GSG1L: variants seen among roughly 807,000 people sequenced by gnomAD.
GSG1L encodes the protein GSG1 like, also known as germ cell-specific gene 1-like protein.
A neutral mutation model predicts 42.1 loss-of-function variants in GSG1L; 24 were observed. The ratio of observed to expected loss-of-function variants is 0.57; its 90% CI spans 0.41 to 0.80. The LOEUF is 0.80. GSG1L is among the 30% of genes least tolerant of loss of function. The pLI, the probability that GSG1L is intolerant of heterozygous loss-of-function variation, is 0.00. For missense variants in GSG1L, 445 were observed against 472.2 expected (o/e 0.94, Z 0.53); for synonymous variants, 215 against 203.5 (o/e 1.06, Z -0.48).
intron 2 of GSG1L, among the ~76,000 whole-genome samples, chr16:27,938,919 T>C (rs180937183): frequency 5.9e-5 from 9 of 152,280 alleles, no homozygotes; most frequent in Admixed American, 5.2e-4. Flanking sequence ...TCTGAATGTG[T>C]TCCAGCCTCC....
chr16:27,959,230 G>A (rs2085039954), intron 2 of GSG1L, among the ~76,000 whole-genome samples: 1 of 151,630 alleles, frequency 6.6e-6, no homozygotes, highest in Non-Finnish European at 1.5e-5. Flanking sequence ...GGCCAACGTG[G>A]GAGGATCGTT....
At chr16:28,019,930 CACCTGGTTCTTCAT>C (rs2085820845) in intron 1 of GSG1L, among the ~76,000 whole-genome samples, 1 of 152,214 alleles carries the variant, frequency 6.6e-6, no homozygotes, top group Non-Finnish European at 1.5e-5. Flanking sequence ...TCATCATGCT[CACCTGGTTCTTCAT>C]ACCCTTGGCC....
intron 6 of GSG1L, among the ~76,000 whole-genome samples, chr16:27,798,769 A>G (rs918611686): frequency 2.0e-5 from 3 of 152,112 alleles, no homozygotes; most frequent in Non-Finnish European, 2.9e-5. Flanking sequence ...TCTTAGGGTT[A>G]GGCATGGTTG....
intron 1 of GSG1L, among the ~76,000 whole-genome samples, chr16:28,033,662 C>T (rs942417347): frequency 1.2e-4 from 19 of 152,058 alleles, no homozygotes; most frequent in Admixed American, 3.3e-4. Context: ...AGAAAATAAT[C>T]ATTGTGTATT....
At chr16:27,966,898 T>C (rs763763) in intron 1 of GSG1L, among the ~76,000 whole-genome samples, 29,861 of 152,138 alleles carry the variant, frequency 0.2, 3,408 homozygotes, top group Non-Finnish European at 0.26. Context: ...AACAATCACA[T>C]GGGGCCAGGC....
chr16:27,848,912 T>TTTG (rs1254804858), intron 3 of GSG1L, among the ~76,000 whole-genome samples: 140 of 151,880 alleles, frequency 9.2e-4, no homozygotes, highest in Admixed American at 2.0e-3. Flanking sequence ...AGGGGTAGGA[T>TTTG]GGGCCTGGTG....
intron 1 of GSG1L, among the ~76,000 whole-genome samples, chr16:27,969,971 T>C (rs1039334100): frequency 3.9e-4 from 60 of 152,262 alleles, no homozygotes; most frequent in African/African-American, 1.4e-3. Flanking sequence ...ATGTTGAGCA[T>C]CTTTTCATGG....
intron 1 of GSG1L, among the ~76,000 whole-genome samples, chr16:28,056,123 T>C (rs1193147632): frequency 6.6e-6 from 1 of 152,154 alleles, no homozygotes; most frequent in Non-Finnish European, 1.5e-5. Flanking sequence ...AAGTGTTCCC[T>C]GAGTCCCTCC....
intron 1 of GSG1L, among the ~76,000 whole-genome samples, chr16:28,049,301 A>G (rs761455811): frequency 6.6e-6 from 1 of 152,186 alleles, no homozygotes; most frequent in East Asian, 1.9e-4. Context: ...CTAAAATACT[A>G]TGCTAAATTT....
chr16:27,956,762 A>T (rs1270910318), intron 2 of GSG1L, among the ~76,000 whole-genome samples: 3 of 152,052 alleles, frequency 2.0e-5, no homozygotes, highest in African/African-American at 7.2e-5. Flanking sequence ...AAGCCTTCCG[A>T]CATGAGCTAA....
intron 1 of GSG1L, among the ~76,000 whole-genome samples, chr16:28,031,725 A>G (rs2085966301): frequency 6.6e-6 from 1 of 152,224 alleles, no homozygotes; most frequent in Admixed American, 6.5e-5. Flanking sequence ...TGACCCCAGC[A>G]CACGGATAAC....
chr16:27,858,413 G>T (rs1380396201), intron 3 of GSG1L, among the ~76,000 whole-genome samples: 3 of 152,192 alleles, frequency 2.0e-5, no homozygotes, highest in Admixed American at 1.3e-4. Flanking sequence ...CTCAGCCAGG[G>T]TAACACAGCA....
chr16:28,029,423 T>C lies in GSG1L; in HGVS notation c.349+33653A>G, dbSNP rs79186395. Among the ~76,000 whole-genome samples the C allele has an allele frequency of 4.4e-4, 67 of 152,352 alleles. No individual in the cohort carries two copies. In the East Asian group the frequency reaches 6.9e-3, roughly 16 times the overall value. On this transcript the variant is annotated intron_variant, in intron 1 of 6. Transcript: ENST00000447459. Reference sequence around the variant, plus strand: ...GTTTTGCTCTCCAGGGCAGGGATCTTCTAGTCCATCTGGCATAGCAAAGGC... The same window carrying C: ...GTTTTGCTCTCCAGGGCAGGGATCTCCTAGTCCATCTGGCATAGCAAAGGC...
At chr16:27,869,620 C>A (rs2083779324) in intron 3 of GSG1L, among the ~76,000 whole-genome samples, 1 of 135,926 alleles carries the variant, frequency 7.4e-6, no homozygotes, top group African/African-American at 2.9e-5. Context: ...TCTCTCTCTC[C>A]TCTCTGCGTC....
intron 3 of GSG1L, among the ~76,000 whole-genome samples, chr16:27,857,928 G>A (rs759105762): frequency 6.6e-6 from 1 of 151,872 alleles, no homozygotes; most frequent in Non-Finnish European, 1.5e-5. Context: ...CCTGTGACGG[G>A]TCTACACCTG....
intron 3 of GSG1L, among the ~76,000 whole-genome samples, chr16:27,862,438 C>T (rs2083665666): frequency 1.3e-5 from 2 of 152,248 alleles, no homozygotes; most frequent in South Asian, 4.1e-4. Flanking sequence ...CTCTGGCCAA[C>T]ACCCTGACTG....
intron 2 of GSG1L, among the ~76,000 whole-genome samples, chr16:27,923,331 C>T (rs1339838781): frequency 6.6e-6 from 1 of 152,148 alleles, no homozygotes; most frequent in Non-Finnish European, 1.5e-5. Flanking sequence ...GGAGGATCAT[C>T]CTCACTCCCA....
chr16:27,859,109 G>T (rs937626890), intron 3 of GSG1L, among the ~76,000 whole-genome samples: 2 of 152,124 alleles, frequency 1.3e-5, no homozygotes, highest in Non-Finnish European at 2.9e-5. Context: ...GCCACGAGAC[G>T]GTCTTGAGCT....
At chr16:28,033,128 G>A (rs2141177320) in intron 1 of GSG1L, among the ~76,000 whole-genome samples, 1 of 152,286 alleles carries the variant, frequency 6.6e-6, no homozygotes, top group Non-Finnish European at 1.5e-5. Context: ...CCTCCATGGA[G>A]TACTTCAAAT....
Sources: allele counts gnomAD v4.1 joint callset (sites outside exome capture counted in the v4.1 genomes callset), GRCh38; gene constraint gnomAD v4.1.1; transcripts MANE v1.5; gene names NCBI Gene and HGNC (gene_info 2026-07-23, HGNC 2026-07-21).